The following OGFOD1 variants were observed in gnomAD, a reference collection of about 807,000 sequenced individuals.
The protein encoded by OGFOD1 is prolyl 3-hydroxylase OGFOD1.
Under a neutral mutation model 67.7 loss-of-function variants are expected in OGFOD1, and 54 were observed. The observed-to-expected ratio is 0.80, with a 90% CI of 0.64 to 1.00. The LOEUF is 1.00. OGFOD1 is among the 50% of genes least tolerant of loss of function. OGFOD1 has a pLI of 0.00. For missense variants in OGFOD1, 606 were observed against 646.7 expected (o/e 0.94, Z 0.68); for synonymous variants, 221 against 227.0 (o/e 0.97, Z 0.24).
intron 10 of OGFOD1, among the ~76,000 whole-genome samples, chr16:56,472,042 GCCTTGACCT>G (rs1391142741): frequency 6.6e-6 from 1 of 152,078 alleles, no homozygotes; most frequent in Non-Finnish European, 1.5e-5. Context: ...GCTCACTGCA[GCCTTGACCT>G]CCTAGGCTCG....
intron 3 of OGFOD1, among the ~76,000 whole-genome samples, chr16:56,459,855 T>G (rs1424481276): frequency 6.6e-6 from 1 of 152,224 alleles, no homozygotes; most frequent in Non-Finnish European, 1.5e-5. Context: ...AATAGAGTAT[T>G]TAACTCCTGC....
chr16:56,453,002 A>T (rs1400725296), intron 1 of OGFOD1, among the ~76,000 whole-genome samples: 1 of 152,174 alleles, frequency 6.6e-6, no homozygotes, highest in Non-Finnish European at 1.5e-5. Context: ...ACATAAAAAA[A>T]AGAGTAGGAA....
At chr16:56,473,092 G>C (rs1234254570) in intron 10 of OGFOD1, among the ~76,000 whole-genome samples, 2 of 152,038 alleles carry the variant, frequency 1.3e-5, no homozygotes, top group Non-Finnish European at 2.9e-5. Context: ...CACCACGCCC[G>C]GCTAACGTTT....
intron 3 of OGFOD1, 61 bp downstream of exon 3, chr16:56,458,655 T>C: frequency 1.5e-6 from 2 of 1,324,618 alleles, no homozygotes; most frequent in Non-Finnish European, 2.2e-6. Flanking sequence ...GTAAGTGCTT[T>C]AAATGTTACA....
intron 4 of OGFOD1, among the ~76,000 whole-genome samples, chr16:56,465,363 C>T (rs772185589): frequency 6.6e-5 from 10 of 152,160 alleles, no homozygotes; most frequent in Non-Finnish European, 1.3e-4. Context: ...ATTGATTCCT[C>T]GAGTTCCAAT....
chr16:56,464,549 C>T lies in OGFOD1; in HGVS notation c.449-1603C>T, dbSNP rs552112402. Among the ~76,000 whole-genome samples the T allele has an allele frequency of 2.5e-4, 38 of 152,202 alleles. 1 individual carries two copies. The highest frequency in any genetic ancestry group is 2.1e-3 in the Admixed American group (32 of 15,280). On this transcript the variant is annotated intron_variant, in intron 4 of 12. Transcript: ENST00000566157. ...TTCCACTCTAGAGAAGACCTTTCTC[C>T]TGATTTATTTATTCATTCGTTTATA...
rs1025917251 is a variant in OGFOD1 at position 56,476,366 on chromosome 16, G to A, written c.*161G>A. On this transcript the variant is annotated 3_prime_UTR_variant, in exon 13 of 13. Transcript: ENST00000566157. ...GGACTCATAATGATTGTCCTCAACC[G>A]AGACCTTGAGCTTGCAGCTAAGTAC... The A allele has an allele frequency of 1.7e-5, 9 of 523,778 alleles. No homozygotes were observed. Among genetic ancestry groups the A allele is most frequent in the Non-Finnish European group, 2.5e-5 (8 of 315,400 alleles). 32.4% of individuals were successfully genotyped at this position (523,778 alleles called of 1,614,324 possible). A position where few individuals can be genotyped will look rare whatever the true frequency, so the allele number is the denominator to read the frequency against.
At chr16:56,451,852 C>A in intron 1 of OGFOD1, 86 bp downstream of exon 1, 1 of 1,470,784 alleles carries the variant, frequency 6.8e-7, no homozygotes. Flanking sequence ...CAGCCTTGGG[C>A]AGCGGGGCCG....
intron 4 of OGFOD1, 60 bp downstream of exon 4, chr16:56,462,694 G>T: frequency 1.0e-6 from 1 of 988,798 alleles, no homozygotes; most frequent in Middle Eastern, 2.1e-4. Context: ...AGCATTAATG[G>T]AGAGATGGTA....
chr16:56,470,276 C>A, intron 9 of OGFOD1, 194 bp downstream of exon 9: 1 of 658,662 alleles, frequency 1.5e-6, no homozygotes, highest in East Asian at 2.7e-5. Flanking sequence ...TAATAGGACA[C>A]TTGCCCTAAT....
chr16:56,458,847 G>A, intron 3 of OGFOD1: 1 of 460,364 alleles, frequency 2.2e-6, no homozygotes, highest in East Asian at 4.1e-5. Context: ...TAGTAATCAA[G>A]GAAACAGAAG....
chr16:56,462,598 A>G lies in OGFOD1; in HGVS notation c.412A>G (p.Thr138Ala). 1 of 1,612,390 alleles carries G rather than the reference A, an allele frequency of 6.2e-7. No individual in the cohort carries two copies. Among genetic ancestry groups the G allele is most frequent in the Non-Finnish European group, 8.5e-7 (1 of 1,178,560 alleles). ...SDISKIDLES[T>A]IDMSCAKYEF... Reference sequence around the variant, plus strand: ...TATTTCTAAAATTGACCTGGAATCAACCATTGACATGTCCTGTGCTAAATA... The same window carrying G: ...TATTTCTAAAATTGACCTGGAATCAGCCATTGACATGTCCTGTGCTAAATA... Residue 138 changes from threonine (T) to alanine (A), a missense_variant, in exon 4 of 13, where the codon ACC becomes GCC. By Grantham distance (58) the Thr-to-Ala change is moderately conservative. Coordinates refer to ENST00000566157, the MANE Select transcript of OGFOD1 (RefSeq NM_018233.4).
chr16:56,468,112 T>C, intron 8 of OGFOD1, 94 bp downstream of exon 8: 2 of 658,064 alleles, frequency 3.0e-6, no homozygotes, highest in South Asian at 3.5e-5. Flanking sequence ...GTTTTTGTTT[T>C]GTTCCTGATT....
intron 4 of OGFOD1, 69 bp downstream of exon 4, chr16:56,462,703 T>C: frequency 1.1e-6 from 1 of 921,616 alleles, no homozygotes; most frequent in East Asian, 2.4e-5. Context: ...GGAGAGATGG[T>C]ATCTGTGTAC....
At chr16:56,451,841 C>T in intron 1 of OGFOD1, 75 bp downstream of exon 1, 2 of 1,537,850 alleles carry the variant, frequency 1.3e-6, no homozygotes, top group South Asian at 1.2e-5. Context: ...GGACTCGCGC[C>T]CAGCCTTGGG....
chr16:56,475,465 C>G (rs1244435696), intron 11 of OGFOD1, 42 bp from the exon 12 acceptor site: 3 of 1,587,530 alleles, frequency 1.9e-6, no homozygotes, highest in South Asian at 2.2e-5. Context: ...GCGACTCTTT[C>G]AATAGGAGCT....
At chr16:56,475,669 A>G in intron 12 of OGFOD1, 104 bp downstream of exon 12, 2 of 899,302 alleles carry the variant, frequency 2.2e-6, no homozygotes. Flanking sequence ...TTTAGCTAAT[A>G]AATCTCTGCC....
rs1596995278 is a variant in OGFOD1 at position 56,476,653 on chromosome 16, A to C, written c.*448A>C. ...CAAATTCTGTGCCCATTGAACAATA[A>C]CTCCCCACCTCCCCTTCCCCTAGCA... On this transcript the variant is annotated 3_prime_UTR_variant, in exon 13 of 13. Transcript: ENST00000566157. 1 of 153,148 alleles carries C rather than the reference A, an allele frequency of 6.5e-6. No homozygotes were observed. The highest frequency in any genetic ancestry group is 1.5e-5 in the Non-Finnish European group (1 of 68,892). 9.5% of individuals were successfully genotyped at this position (153,148 alleles called of 1,614,324 possible).
At chr16:56,458,691 G>A in intron 3 of OGFOD1, 97 bp downstream of exon 3, 1 of 1,046,514 alleles carries the variant, frequency 9.6e-7, no homozygotes, top group Non-Finnish European at 1.5e-6. Flanking sequence ...TATAATTCTT[G>A]TTGACATTGT....
Sources: allele counts gnomAD v4.1 joint callset (sites outside exome capture counted in the v4.1 genomes callset), GRCh38; gene constraint gnomAD v4.1.1; transcripts MANE v1.5; gene names NCBI Gene and HGNC (gene_info 2026-07-23, HGNC 2026-07-21).